SULF2: variants seen among roughly 807,000 people sequenced by gnomAD.
SULF2 encodes sulfatase 2.
SULF2 carries 52 observed loss-of-function variants against 107.7 expected under a neutral mutation model. The ratio of observed to expected loss-of-function variants is 0.48; its 90% CI spans 0.39 to 0.61. The LOEUF is 0.61. SULF2 is among the 20% of genes least tolerant of loss of function. The pLI, the probability that SULF2 is intolerant of heterozygous loss-of-function variation, is 0.00. For missense variants in SULF2, 993 were observed against 1,177.3 expected, an observed-to-expected ratio of 0.84 and a Z score of 2.29; for synonymous variants, 460 against 464.3, an observed-to-expected ratio of 0.99 and a Z score of 0.12.
chr20:47,742,927 ATT>A (rs397837137), intron 2 of SULF2, among the ~76,000 whole-genome samples: 8,128 of 99,374 alleles, frequency 0.082, 1,436 homozygotes, highest in Non-Finnish European at 0.094. Flanking sequence ...TCAAAACATG[ATT>A]TTTTTTTTTT....
At chr20:47,751,207 G>A (rs77233829) in intron 2 of SULF2, among the ~76,000 whole-genome samples, 22,164 of 152,220 alleles carry the variant, frequency 0.15, 1,703 homozygotes, top group African/African-American at 0.19. Context: ...TTCAGAGAGC[G>A]CCATGTGAGG....
chr20:47,737,770 T>G (rs1452495927), intron 2 of SULF2, among the ~76,000 whole-genome samples: 7 of 138,646 alleles, frequency 5.0e-5, no homozygotes, highest in Admixed American at 5.0e-4. Flanking sequence ...TTTTTTTTTT[T>G]TTTTTTTTTT....
At chr20:47,693,364 G>A (rs1189098913) in intron 4 of SULF2, among the ~76,000 whole-genome samples, 1 of 152,162 alleles carries the variant, frequency 6.6e-6, no homozygotes, top group African/African-American at 2.4e-5. Context: ...ACCCGCCAGT[G>A]GGGTGGGGTG....
At chr20:47,780,580 G>A in intron 1 of SULF2, among the ~76,000 whole-genome samples, 1 of 151,946 alleles carries the variant, frequency 6.6e-6, no homozygotes, top group Non-Finnish European at 1.5e-5. Context: ...TTGAGACTGA[G>A]TCTCACTTTG....
intron 7 of SULF2, among the ~76,000 whole-genome samples, chr20:47,681,804 G>C (rs1233340625): frequency 6.6e-6 from 1 of 152,204 alleles, no homozygotes; most frequent in Non-Finnish European, 1.5e-5. Context: ...TCCTGCCTCA[G>C]CCTCCTGAGT....
chr20:47,723,242 T>G (rs2089343980), intron 3 of SULF2, among the ~76,000 whole-genome samples: 1 of 124,444 alleles, frequency 8.0e-6, no homozygotes, highest in Non-Finnish European at 1.7e-5. Context: ...ACAGTCCATC[T>G]CAAAAAAAAG....
At position 47,785,343 on chromosome 20, in the gene SULF2, C is replaced by G. The variant is rs1407281387; in HGVS notation, c.-101G>C. The stretch of plus-strand genomic sequence containing the variant: ...CACCTGCCCCCCACGCCCCACTCAC[C>G]AGCGCGCACGGCCCCGGCAACCTCA... On this transcript the variant is annotated splice_region_variant and 5_prime_UTR_variant, in exon 1 of 21. Coordinates refer to ENST00000688720, the MANE Select transcript of SULF2 (RefSeq NM_001387048.1). 1 of 147,252 alleles carries G rather than the reference C, an allele frequency of 6.8e-6. No homozygotes were observed. Among genetic ancestry groups the G allele is most frequent in the Non-Finnish European group, 1.5e-5 (1 of 65,816 alleles). 9.1% of individuals were successfully genotyped at this position (147,252 alleles called of 1,614,324 possible). A position where few individuals can be genotyped will look rare whatever the true frequency, so the allele number is the denominator to read the frequency against.
Position 47,757,465 on chromosome 20 carries a change from T to A in SULF2, c.-100-2A>T. On this transcript the variant is annotated splice_acceptor_variant, in intron 1 of 20. Coordinates refer to ENST00000688720, the MANE Select transcript of SULF2 (RefSeq NM_001387048.1). LOFTEE classifies it low-confidence loss of function (5UTR_SPLICE). Reference sequence around the variant, plus strand: ...CCTCGTCCCTCTTCACTCGCAGATCTAGAGGAGGAGGAAGAATCAGGTCAA... The same window carrying A: ...CCTCGTCCCTCTTCACTCGCAGATCAAGAGGAGGAGGAAGAATCAGGTCAA... 2 of 1,321,154 alleles carry A rather than the reference T, an allele frequency of 1.5e-6. No individual in the cohort carries two copies. The highest frequency in any genetic ancestry group is 2.0e-6 in the Non-Finnish European group (2 of 978,634). The allele number at this position is 1,321,154 out of a possible 1,614,324, so 81.8% of individuals were successfully genotyped here. A position where few individuals can be genotyped will look rare whatever the true frequency, so the allele number is the denominator to read the frequency against.
intron 5 of SULF2, among the ~76,000 whole-genome samples, chr20:47,687,761 G>A (rs1477373006): frequency 2.0e-5 from 3 of 151,736 alleles, no homozygotes; most frequent in African/African-American, 7.3e-5. Flanking sequence ...AGGCTGGAGT[G>A]TAGTGGCGCA....
At chr20:47,752,446 T>C (rs2090177630) in intron 2 of SULF2, among the ~76,000 whole-genome samples, 1 of 151,968 alleles carries the variant, frequency 6.6e-6, no homozygotes, top group South Asian at 2.1e-4. Flanking sequence ...GATGTTCTGA[T>C]AGGCTGGGTG....
chr20:47,712,740 A>C (rs11907065), intron 3 of SULF2, among the ~76,000 whole-genome samples: 20,862 of 152,212 alleles, frequency 0.14, 1,903 homozygotes, highest in Middle Eastern at 0.26. Context: ...TGTCTTACTG[A>C]AAGGGATTCT....
intron 11 of SULF2, among the ~76,000 whole-genome samples, chr20:47,670,112 AGAG>A (rs2087412712): frequency 1.3e-5 from 2 of 152,228 alleles, no homozygotes; most frequent in Admixed American, 6.5e-5. Context: ...TGGCTGGACC[AGAG>A]GAGATCACTG....
At chr20:47,751,020 T>G (rs986353725) in intron 2 of SULF2, among the ~76,000 whole-genome samples, 3 of 152,202 alleles carry the variant, frequency 2.0e-5, no homozygotes, top group African/African-American at 2.4e-5. Flanking sequence ...CTGGCTTTAT[T>G]CTCCTCCTCA....
intron 3 of SULF2, among the ~76,000 whole-genome samples, chr20:47,733,753 A>G (rs1222622597): frequency 6.6e-6 from 1 of 152,254 alleles, no homozygotes; most frequent in African/African-American, 2.4e-5. Context: ...AGTCTGGGTG[A>G]CAGAGCAAGA....
At chr20:47,704,350 G>A (rs1240246723) in intron 3 of SULF2, among the ~76,000 whole-genome samples, 1 of 151,906 alleles carries the variant, frequency 6.6e-6, no homozygotes, top group African/African-American at 2.4e-5. Context: ...ACGGCTCACT[G>A]CAGCCTCAAC....
chr20:47,746,952 T>C (rs1045617697), intron 2 of SULF2, among the ~76,000 whole-genome samples: 2 of 146,978 alleles, frequency 1.4e-5, no homozygotes, highest in Non-Finnish European at 3.0e-5. Flanking sequence ...AACTGCACGT[T>C]GTGCACATGT....
At chr20:47,736,561 T>A (rs1167026878) in intron 3 of SULF2, 142 bp downstream of exon 3, 1 of 1,187,506 alleles carries the variant, frequency 8.4e-7, no homozygotes, top group Non-Finnish European at 1.2e-6. Context: ...CAGAAATAAA[T>A]GCACAACTCT....
At chr20:47,696,937 C>A (rs75703242) in intron 4 of SULF2, among the ~76,000 whole-genome samples, 1 of 152,190 alleles carries the variant, frequency 6.6e-6, no homozygotes, top group Non-Finnish European at 1.5e-5. Flanking sequence ...GAGCTACAAC[C>A]AGCTGCTCCA....
At chr20:47,665,010 G>A (rs190315715) in intron 14 of SULF2, among the ~76,000 whole-genome samples, 189 bp downstream of exon 14, 1 of 152,364 alleles carries the variant, frequency 6.6e-6, no homozygotes, top group Admixed American at 6.5e-5. Context: ...CGCCAGCCTG[G>A]CTGAGGAGCA....
Sources: allele counts gnomAD v4.1 joint callset (sites outside exome capture counted in the v4.1 genomes callset), GRCh38; gene constraint gnomAD v4.1.1; transcripts MANE v1.5; gene names NCBI Gene and HGNC (gene_info 2026-07-23, HGNC 2026-07-21).